Variants in SLAIN2 observed in about 807,000 individuals in gnomAD.
SLAIN2 encodes the protein SLAIN family member 2, also known as SLAIN motif-containing protein 2.
Under a neutral mutation model 56.6 loss-of-function variants are expected in SLAIN2, and 31 were observed. The observed-to-expected ratio is 0.55, with a 90% CI of 0.41 to 0.74. SLAIN2 has a LOEUF of 0.74. SLAIN2 is among the 30% of genes least tolerant of loss of function. SLAIN2 has a pLI of 0.00. For missense variants in SLAIN2, 777 were observed against 754.2 expected, an observed-to-expected ratio of 1.03 and a Z score of -0.35; for synonymous variants, 317 against 284.9, an observed-to-expected ratio of 1.11 and a Z score of -1.13.
rs142479257 is a variant in SLAIN2 at position 48,421,568 on chromosome 4, A to G, written c.1680-443A>G. On this transcript the variant is annotated intron_variant, in intron 7 of 7. Transcript: ENST00000264313. ...TTAATGGAATTAAGTAATTTGCCTA[A>G]GGCCACATAGCTAATAAAACTATGA... 3.1e-3 allele frequency among the ~76,000 whole-genome samples: 471 copies of G among 152,284 alleles called. 1 individual carries two copies. The highest frequency in any genetic ancestry group is 5.1e-3 in the Non-Finnish European group (350 of 68,018).
At chr4:48,379,663 G>C in intron 3 of SLAIN2, 27 bp from the exon 4 acceptor site, 1 of 1,370,950 alleles carries the variant, frequency 7.3e-7, no homozygotes, top group Non-Finnish European at 9.5e-7. Context: ...ACCAGAGTTT[G>C]AATTTTTTTC....
intron 6 of SLAIN2, among the ~76,000 whole-genome samples, chr4:48,402,250 T>G (rs1716575196): frequency 6.6e-6 from 1 of 151,552 alleles, no homozygotes; most frequent in South Asian, 2.1e-4. Flanking sequence ...GATGATTATG[T>G]GTCTTTGGGT....
intron 2 of SLAIN2, among the ~76,000 whole-genome samples, chr4:48,377,302 C>T (rs1306200157): frequency 6.6e-6 from 1 of 151,550 alleles, no homozygotes; most frequent in East Asian, 1.9e-4. Context: ...CCTGCCTCAG[C>T]CTCCCAAGTA....
In SLAIN2 at chr4:48,369,143, G is replaced by A. The variant is rs1715601687; in HGVS notation, c.390-706G>A. Reference sequence around the variant, plus strand: ...TAGCTATTTGCATTTTTCATATGGAGTGACACTTGAAATAAATTAATAGTA... The same window carrying A: ...TAGCTATTTGCATTTTTCATATGGAATGACACTTGAAATAAATTAATAGTA... On this transcript the variant is annotated intron_variant, in intron 1 of 7. Transcript: ENST00000264313. Among the ~76,000 whole-genome samples the A allele has an allele frequency of 4.6e-5, 7 of 152,124 alleles. No homozygotes were observed. The South Asian group carries it at 1.4e-3, about 31-fold the overall frequency.
intron 6 of SLAIN2, among the ~76,000 whole-genome samples, chr4:48,393,386 T>TGTGTGTG (rs1716283267): frequency 3.3e-4 from 45 of 135,448 alleles, no homozygotes; most frequent in Middle Eastern, 3.7e-3. Flanking sequence ...CATGTCTGGC[T>TGTGTGTG]TGTGTGTGTG....
At chr4:48,368,022 T>C (rs2109751273) in intron 1 of SLAIN2, among the ~76,000 whole-genome samples, 1 of 149,090 alleles carries the variant, frequency 6.7e-6, no homozygotes, top group East Asian at 2.0e-4. Flanking sequence ...TGTGTCAGTA[T>C]GCATTCACTG....
At chr4:48,371,004 G>T (rs1715647922) in intron 2 of SLAIN2, among the ~76,000 whole-genome samples, 1 of 152,076 alleles carries the variant, frequency 6.6e-6, no homozygotes, top group Non-Finnish European at 1.5e-5. Flanking sequence ...TAACTTACGG[G>T]ATGTTATTAC....
chr4:48,395,804 C>T (rs1401200696), intron 6 of SLAIN2, among the ~76,000 whole-genome samples: 11 of 72,888 alleles, frequency 1.5e-4, no homozygotes, highest in South Asian at 4.8e-4. Context: ...ATTTGGGAAC[C>T]TTAGGCTTTT....
rs187331637 is a variant in SLAIN2 at position 48,366,912 on chromosome 4, T to A, written c.390-2937T>A. Among the ~76,000 whole-genome samples, 57 of 152,296 alleles carry A rather than the reference T, an allele frequency of 3.7e-4. No homozygotes were observed. In the East Asian group the frequency reaches 4.6e-3, roughly 12 times the overall value. ...ACTTGCTGTGTTCATCAGAATTGTG[T>A]CCCTCTTGATTAAATCATATTCTAT... On this transcript the variant is annotated intron_variant, in intron 1 of 7. Transcript: ENST00000264313.
intron 1 of SLAIN2, among the ~76,000 whole-genome samples, chr4:48,362,141 G>GTTT (rs947835485): frequency 4.1e-5 from 6 of 144,846 alleles, no homozygotes; most frequent in Admixed American, 1.4e-4. Flanking sequence ...GATGCCTTTA[G>GTTT]TTTTTTTTTT....
intron 6 of SLAIN2, among the ~76,000 whole-genome samples, chr4:48,399,557 G>C (rs1263317525): frequency 6.6e-6 from 1 of 152,088 alleles, no homozygotes. Context: ...AGGAGTGGTG[G>C]GAGAGAGCAT....
intron 2 of SLAIN2, among the ~76,000 whole-genome samples, chr4:48,372,000 A>G (rs887132761): frequency 4.0e-5 from 6 of 151,238 alleles, no homozygotes; most frequent in African/African-American, 1.2e-4. Flanking sequence ...GCGCGCACAC[A>G]CACACACACA....
chr4:48,413,735 T>C (rs1424057096), intron 6 of SLAIN2, among the ~76,000 whole-genome samples: 5 of 152,198 alleles, frequency 3.3e-5, no homozygotes, highest in Admixed American at 3.3e-4. Context: ...TTTATTACTA[T>C]ATACTTACTG....
At chr4:48,421,391 C>T (rs531193112) in intron 7 of SLAIN2, among the ~76,000 whole-genome samples, 1 of 152,144 alleles carries the variant, frequency 6.6e-6, no homozygotes, top group South Asian at 2.1e-4. Flanking sequence ...AATGGGATTA[C>T]CACCATCAGT....
intron 6 of SLAIN2, among the ~76,000 whole-genome samples, chr4:48,395,715 A>G (rs1006478770): frequency 5.9e-5 from 9 of 151,328 alleles, no homozygotes; most frequent in African/African-American, 2.2e-4. Context: ...TATGTTAGTA[A>G]TAGACTGGAT....
intron 7 of SLAIN2, among the ~76,000 whole-genome samples, chr4:48,421,354 G>A (rs1717152677): frequency 1.3e-5 from 2 of 152,118 alleles, no homozygotes; most frequent in South Asian, 4.2e-4. Context: ...AGACAGGTTG[G>A]GAATGATGCA....
chr4:48,411,490 C>T (rs1241262288), intron 6 of SLAIN2, among the ~76,000 whole-genome samples: 1 of 151,874 alleles, frequency 6.6e-6, no homozygotes, highest in Non-Finnish European at 1.5e-5. Context: ...TTCTTTTGTA[C>T]GTGAATATCC....
intron 6 of SLAIN2, 84 bp downstream of exon 6, chr4:48,383,868 G>A (rs190735933): frequency 1.9e-4 from 274 of 1,436,936 alleles, no homozygotes; most frequent in Non-Finnish European, 2.4e-4. Flanking sequence ...CTGAAAAACC[G>A]TTTTTTATGC....
At chr4:48,355,167 A>G (rs950306221) in intron 1 of SLAIN2, among the ~76,000 whole-genome samples, 5 of 152,360 alleles carry the variant, frequency 3.3e-5, no homozygotes, top group Admixed American at 2.0e-4. Flanking sequence ...GGCGTGAGCC[A>G]CTACACCCAG....
Sources: gnomAD v4.1 joint callset for allele counts (sites outside exome capture counted in the v4.1 genomes callset) on GRCh38, gnomAD v4.1.1 for gene constraint, MANE v1.5 for transcripts, NCBI Gene and HGNC (gene_info 2026-07-23, HGNC 2026-07-21) for gene names.